TMEM156: variants seen among roughly 807,000 people sequenced by gnomAD.
The protein encoded by TMEM156 is transmembrane protein 156.
A neutral mutation model predicts 30.5 loss-of-function variants in TMEM156; 28 were observed. That is an observed-to-expected ratio of 0.92 (90% CI 0.68 to 1.26). The LOEUF (loss-of-function observed/expected upper bound fraction) is 1.26, where lower values mean the gene tolerates loss of function less well. TMEM156 is among the 50% of genes most tolerant of loss of function. The pLI is 0.00. For synonymous variants in TMEM156, 137 were observed against 119.9 expected, an observed-to-expected ratio of 1.14 and a Z score of -0.93; for missense variants, 351 against 340.6, an observed-to-expected ratio of 1.03 and a Z score of -0.24.
chr4:39,007,915 T>G (rs888065143), intron 1 of TMEM156, among the ~76,000 whole-genome samples: 1 of 152,166 alleles, frequency 6.6e-6, no homozygotes, highest in Non-Finnish European at 1.5e-5. Context: ...ATAGCATCTT[T>G]TAGGAAATAT....
chr4:38,986,200 C>T (rs1023205433), intron 5 of TMEM156, 136 bp downstream of exon 5: 8 of 636,092 alleles, frequency 1.3e-5, no homozygotes, highest in African/African-American at 9.1e-5. Context: ...ATTTCATTTG[C>T]CCACAGCTCT....
chr4:39,029,820 A>G (rs1715413837), intron 1 of TMEM156, among the ~76,000 whole-genome samples: 1 of 152,036 alleles, frequency 6.6e-6, no homozygotes, highest in African/African-American at 2.4e-5. Flanking sequence ...AAATGAGGCT[A>G]TAAAAAGATG....
intron 1 of TMEM156, among the ~76,000 whole-genome samples, chr4:39,012,265 C>T (rs1020077174): frequency 3.3e-5 from 5 of 152,064 alleles, no homozygotes; most frequent in Admixed American, 2.6e-4. Flanking sequence ...TTCAAAATCA[C>T]GTAATAAATA....
intron 5 of TMEM156, among the ~76,000 whole-genome samples, chr4:38,979,682 C>T (rs900413975): frequency 2.0e-5 from 3 of 152,168 alleles, no homozygotes; most frequent in Admixed American, 2.0e-4. Flanking sequence ...TTCATGGAAA[C>T]TATGGCAATA....
At position 39,026,135 on chromosome 4, in the gene TMEM156, T is replaced by C. The variant is rs1715189380; in HGVS notation, c.88+6091A>G. On this transcript the variant is annotated intron_variant, in intron 1 of 6. Coordinates refer to ENST00000381938, the MANE Select transcript of TMEM156 (RefSeq NM_024943.3). ...TCAGATAATTTTAAAAAATGCATAA[T>C]AAATAAATCATATAGGTGATAAAAT... 2.0e-5 allele frequency among the ~76,000 whole-genome samples: 3 copies of C among 150,608 alleles called. No homozygotes were observed. In the South Asian group the frequency reaches 6.2e-4, roughly 31 times the overall value.
chr4:38,969,913 T>G (rs547305859), intron 6 of TMEM156, among the ~76,000 whole-genome samples: 1 of 152,316 alleles, frequency 6.6e-6, no homozygotes, highest in African/African-American at 2.4e-5. Context: ...TTCCTTTGGG[T>G]AGATACCCAG....
At chr4:39,026,753 C>T (rs1028456967) in intron 1 of TMEM156, among the ~76,000 whole-genome samples, 1 of 151,846 alleles carries the variant, frequency 6.6e-6, no homozygotes, top group African/African-American at 2.4e-5. Flanking sequence ...ATAGCAAAGC[C>T]CCATCCCTAC....
At chr4:38,985,533 G>T (rs779535083) in intron 5 of TMEM156, among the ~76,000 whole-genome samples, 1 of 152,214 alleles carries the variant, frequency 6.6e-6, no homozygotes, top group Non-Finnish European at 1.5e-5. Context: ...TGGGGGACTG[G>T]AGGTTTGCTC....
intron 3 of TMEM156, among the ~76,000 whole-genome samples, chr4:38,993,483 A>C (rs1162838446): frequency 6.6e-6 from 1 of 152,150 alleles, no homozygotes; most frequent in Non-Finnish European, 1.5e-5. Context: ...ATTCTGAGGC[A>C]GAAGGTCTTT....
intron 6 of TMEM156, among the ~76,000 whole-genome samples, chr4:38,970,392 C>T (rs899785547): frequency 3.9e-5 from 6 of 151,976 alleles, no homozygotes; most frequent in African/African-American, 1.5e-4. Flanking sequence ...GAAAAACCAC[C>T]CACGTATTCT....
intron 6 of TMEM156, among the ~76,000 whole-genome samples, chr4:38,970,795 A>C (rs1722561982): frequency 6.6e-6 from 1 of 152,226 alleles, no homozygotes; most frequent in Admixed American, 6.5e-5. Context: ...TCTCAGGAGC[A>C]GTTTAAAAGA....
At chr4:39,027,661 T>C (rs1458947821) in intron 1 of TMEM156, among the ~76,000 whole-genome samples, 1 of 151,266 alleles carries the variant, frequency 6.6e-6, no homozygotes, top group Non-Finnish European at 1.5e-5. Flanking sequence ...GCTCAAGCGA[T>C]TCTCCTGCCT....
At chr4:39,012,254 C>G (rs1230591806) in intron 1 of TMEM156, among the ~76,000 whole-genome samples, 2 of 152,134 alleles carry the variant, frequency 1.3e-5, no homozygotes, top group Non-Finnish European at 2.9e-5. Flanking sequence ...CATCTAGATG[C>G]TTCAAAATCA....
At chr4:39,030,498 C>T (rs1007848788) in intron 1 of TMEM156, among the ~76,000 whole-genome samples, 3 of 152,160 alleles carry the variant, frequency 2.0e-5, no homozygotes, top group Non-Finnish European at 4.4e-5. Context: ...TTTCTCTGTG[C>T]TTCATCTATC....
intron 5 of TMEM156, among the ~76,000 whole-genome samples, chr4:38,973,733 A>T (rs954644864): frequency 6.6e-6 from 1 of 152,198 alleles, no homozygotes; most frequent in African/African-American, 2.4e-5. Flanking sequence ...ACAATGGTAG[A>T]TAAAATGGCA....
chr4:39,003,711 A>G (rs1233037517), intron 1 of TMEM156, among the ~76,000 whole-genome samples: 1 of 152,160 alleles, frequency 6.6e-6, no homozygotes, highest in Non-Finnish European at 1.5e-5. Flanking sequence ...GCACCATCTG[A>G]TGGAACTCCA....
At chr4:39,003,924 C>A (rs761464736) in intron 1 of TMEM156, among the ~76,000 whole-genome samples, 1 of 152,068 alleles carries the variant, frequency 6.6e-6, no homozygotes, top group African/African-American at 2.4e-5. Flanking sequence ...ACCAACTGAG[C>A]TTTCTAGAAT....
At chr4:38,982,415 T>C (rs1439703010) in intron 5 of TMEM156, among the ~76,000 whole-genome samples, 1 of 152,218 alleles carries the variant, frequency 6.6e-6, no homozygotes, top group Non-Finnish European at 1.5e-5. Context: ...TTATTTATGA[T>C]TCTTTGATAT....
At chr4:38,979,709 T>G (rs989555881) in intron 5 of TMEM156, among the ~76,000 whole-genome samples, 1 of 152,206 alleles carries the variant, frequency 6.6e-6, no homozygotes, top group Non-Finnish European at 1.5e-5. Context: ...TAAACAGTTA[T>G]CCATGAAGTA....
Sources: gnomAD v4.1 joint callset for allele counts (sites outside exome capture counted in the v4.1 genomes callset) on GRCh38, gnomAD v4.1.1 for gene constraint, MANE v1.5 for transcripts, NCBI Gene and HGNC (gene_info 2026-07-23, HGNC 2026-07-21) for gene names.